The following MARK3 variants were observed in gnomAD, a reference collection of about 807,000 sequenced individuals.
MARK3 encodes the protein MAP/microtubule affinity-regulating kinase 3.
MARK3 carries 46 observed loss-of-function variants against 90.1 expected under a neutral mutation model. The observed-to-expected ratio is 0.51, with a 90% CI of 0.40 to 0.65. The LOEUF (loss-of-function observed/expected upper bound fraction) is 0.65. Among genes scored for constraint, MARK3 ranks in the 30% least tolerant of loss-of-function variants. The probability of loss-of-function intolerance (pLI) is 0.00; values close to 1 mark genes in which losing one functional copy is unlikely to be tolerated. For missense variants in MARK3, 818 were observed against 947.2 expected, an observed-to-expected ratio of 0.86 and a Z score of 1.79; for synonymous variants, 321 against 332.6, an observed-to-expected ratio of 0.97 and a Z score of 0.38.
chr14:103,500,873 C>G (rs1484137336), intron 17 of MARK3, among the ~76,000 whole-genome samples: 1 of 152,168 alleles, frequency 6.6e-6, no homozygotes, highest in Non-Finnish European at 1.5e-5. Context: ...CCTCCCACCT[C>G]AACCTCCCAA....
intron 15 of MARK3, among the ~76,000 whole-genome samples, chr14:103,495,769 C>A (rs988956404): frequency 6.6e-6 from 1 of 150,690 alleles, no homozygotes; most frequent in African/African-American, 2.4e-5. Flanking sequence ...TGTTGTCTCC[C>A]TTAGTGCTAT....
chr14:103,404,262 C>T (rs749413275), intron 1 of MARK3, among the ~76,000 whole-genome samples: 10 of 152,024 alleles, frequency 6.6e-5, no homozygotes, highest in Non-Finnish European at 1.0e-4. Context: ...AAAAGAGAAA[C>T]GTGTAAAGGG....
intron 15 of MARK3, 27 bp from the exon 16 acceptor site, chr14:103,498,470 ATTTTT>A: frequency 9.5e-7 from 1 of 1,052,552 alleles, no homozygotes; most frequent in Non-Finnish European, 1.3e-6. Flanking sequence ...ATTTTTGTTA[ATTTTT>A]TTTTTTTTTT....
chr14:103,430,346 A>G (rs1460543188), intron 3 of MARK3, among the ~76,000 whole-genome samples: 1 of 152,006 alleles, frequency 6.6e-6, no homozygotes, highest in African/African-American at 2.4e-5. Context: ...ATTCTTTTTC[A>G]CCAAGTATCT....
intron 3 of MARK3, among the ~76,000 whole-genome samples, chr14:103,429,988 A>G (rs1277983312): frequency 1.3e-5 from 2 of 151,226 alleles, no homozygotes; most frequent in South Asian, 2.1e-4. Context: ...TTTTTATTTT[A>G]TTTTATTTTT....
intron 7 of MARK3, among the ~76,000 whole-genome samples, chr14:103,464,052 A>C (rs1031068244): frequency 2.6e-5 from 4 of 152,048 alleles, no homozygotes; most frequent in Non-Finnish European, 5.9e-5. Flanking sequence ...ATTTCACTTC[A>C]TCTGGGAAGC....
intron 2 of MARK3, among the ~76,000 whole-genome samples, chr14:103,414,282 C>A (rs556319796): frequency 2.0e-5 from 3 of 151,532 alleles, no homozygotes; most frequent in Non-Finnish European, 4.4e-5. Context: ...CTCAGCTCAC[C>A]GCAACCTCCA....
intron 1 of MARK3, among the ~76,000 whole-genome samples, chr14:103,394,046 T>G (rs1041711517): frequency 1.3e-5 from 2 of 152,204 alleles, no homozygotes; most frequent in Non-Finnish European, 2.9e-5. Flanking sequence ...CATTTTATTA[T>G]TCTAAGATAT....
chr14:103,492,371 G>T (rs1346325279), intron 15 of MARK3, among the ~76,000 whole-genome samples: 1 of 151,986 alleles, frequency 6.6e-6, no homozygotes, highest in Non-Finnish European at 1.5e-5. Flanking sequence ...GTGGGGGGCT[G>T]GCACTCTGTA....
chr14:103,430,928 G>C (rs1425352196), intron 3 of MARK3, among the ~76,000 whole-genome samples: 4 of 152,022 alleles, frequency 2.6e-5, no homozygotes, highest in Non-Finnish European at 5.9e-5. Context: ...TCGAACTCCT[G>C]GGCTTAAGCA....
chr14:103,456,349 A>G (rs539803427), intron 5 of MARK3, among the ~76,000 whole-genome samples: 1 of 151,832 alleles, frequency 6.6e-6, no homozygotes, highest in Non-Finnish European at 1.5e-5. Flanking sequence ...TTCTCATCTC[A>G]CTTGTAGTAG....
chr14:103,475,036 T>A lies in MARK3; in HGVS notation c.1308T>A (p.Ser436Arg). ...IPSVVAYPKR[S>R]QTSTADSDLK... ...CTGTTGTGGCGTATCCGAAAAGGAGTCAGACCAGCACTGCAGATAGTGACC... is the reference window on the plus strand; with the variant it reads ...CTGTTGTGGCGTATCCGAAAAGGAGACAGACCAGCACTGCAGATAGTGACC... Residue 436 changes from serine to arginine, a missense_variant, in exon 13 of 18, where the codon AGT becomes AGA. Physicochemically the swap from Ser to Arg is moderately radical, Grantham distance 110. Coordinates refer to ENST00000429436, the MANE Select transcript of MARK3 (RefSeq NM_001128918.3). 1 of 1,614,126 alleles carries A rather than the reference T, an allele frequency of 6.2e-7. No individual in the cohort carries two copies. Among genetic ancestry groups the A allele is most frequent in the Non-Finnish European group, 8.5e-7 (1 of 1,180,012 alleles).
chr14:103,454,287 C>G (rs2093226059), intron 5 of MARK3, among the ~76,000 whole-genome samples: 1 of 151,430 alleles, frequency 6.6e-6, no homozygotes, highest in African/African-American at 2.4e-5. Flanking sequence ...GGGTCTCACT[C>G]TGTTGCCCAG....
At chr14:103,453,157 T>G (rs778998832) in intron 5 of MARK3, among the ~76,000 whole-genome samples, 1 of 152,240 alleles carries the variant, frequency 6.6e-6, no homozygotes, top group Non-Finnish European at 1.5e-5. Context: ...AATGCGTGTT[T>G]ATAGCTGCTG....
At chr14:103,437,726 G>T (rs1013313953) in intron 3 of MARK3, among the ~76,000 whole-genome samples, 1 of 152,202 alleles carries the variant, frequency 6.6e-6, no homozygotes, top group Non-Finnish European at 1.5e-5. Context: ...GTGCAAATTA[G>T]GCCTTTGTGA....
At chr14:103,391,277 A>C (rs1346047719) in intron 1 of MARK3, among the ~76,000 whole-genome samples, 1 of 152,202 alleles carries the variant, frequency 6.6e-6, no homozygotes, top group Non-Finnish European at 1.5e-5. Context: ...CCTGGTATGT[A>C]CTTAGCCCCC....
Position 103,503,152 on chromosome 14 carries a change from G to C in MARK3, c.2187G>C (p.Arg729=). The C allele has an allele frequency of 1.2e-6, 2 of 1,614,230 alleles. No individual in the cohort carries two copies. Among genetic ancestry groups the C allele is most frequent in the South Asian group, 2.2e-5 (2 of 91,084 alleles). The change falls in exon 18 of 18, where the codon CGG becomes CGC. Residue 729 remains arginine (R), a synonymous_variant. Coordinates refer to ENST00000429436, the MANE Select transcript of MARK3 (RefSeq NM_001128918.3). ...KLPRLSLNGV[R]FKRISGTSIA... is the part of the protein sequence containing the mutation. ...CAAGACTGTCTCTGAACGGGGTCCG[G>C]TTTAAGCGGATATCGGGGACATCCA...
At chr14:103,396,219 T>G (rs1012733468) in intron 1 of MARK3, among the ~76,000 whole-genome samples, 1 of 152,210 alleles carries the variant, frequency 6.6e-6, no homozygotes, top group Non-Finnish European at 1.5e-5. Flanking sequence ...GTTTCAGGCT[T>G]ACTTCACTCA....
rs112809289 is a variant in MARK3, at chr14:103,494,973, A to G, written c.1844+2939A>G. Among the ~76,000 whole-genome samples, 206 of 152,360 alleles carry G rather than the reference A, an allele frequency of 1.4e-3. 1 individual carries two copies. Among genetic ancestry groups the G allele is most frequent in the African/African-American group, 4.7e-3 (197 of 41,576 alleles). ...AGATACAGTCATATTCATTTTATAC[A>G]TATAAATATGTATGTACATTATATA... On this transcript the variant is annotated intron_variant, in intron 15 of 17. Coordinates refer to ENST00000429436, the MANE Select transcript of MARK3 (RefSeq NM_001128918.3).
Sources: allele counts gnomAD v4.1 joint callset (sites outside exome capture counted in the v4.1 genomes callset), GRCh38; gene constraint gnomAD v4.1.1; transcripts MANE v1.5; gene names NCBI Gene and HGNC (gene_info 2026-07-23, HGNC 2026-07-21).